RPE: variants seen among roughly 807,000 people sequenced by gnomAD.
The protein encoded by RPE is ribulose-phosphate 3-epimerase.
Under a neutral mutation model 24.6 loss-of-function variants are expected in RPE, and 16 were observed. The observed-to-expected ratio is 0.65, with a 90% CI of 0.44 to 0.99. The LOEUF (loss-of-function observed/expected upper bound fraction) is 0.99, where lower values mean the gene tolerates loss of function less well. RPE is among the 50% of genes least tolerant of loss of function. The pLI is 0.00. For synonymous variants in RPE, 93 were observed against 98.4 expected, an observed-to-expected ratio of 0.94 and a Z score of 0.33; for missense variants, 240 against 294.5, an observed-to-expected ratio of 0.81 and a Z score of 1.35.
chr2:210,017,897 A>G (rs2093800377), intron 5 of RPE: 4 of 545,582 alleles, frequency 7.3e-6, no homozygotes, highest in Non-Finnish European at 1.3e-5. Flanking sequence ...GGTACCTGCC[A>G]CCATGCTTGG....
At chr2:210,003,021 T>C (rs1461992768) in intron 1 of RPE, among the ~76,000 whole-genome samples, 1 of 152,156 alleles carries the variant, frequency 6.6e-6, no homozygotes, top group Non-Finnish European at 1.5e-5. Flanking sequence ...CCACGTAACG[T>C]GTGGTCTTCC....
chr2:210,016,347 A>T (rs1186420396), intron 3 of RPE, 160 bp from the exon 4 acceptor site: 1 of 1,567,234 alleles, frequency 6.4e-7, no homozygotes, highest in African/African-American at 1.4e-5. Context: ...ATTCCACTAA[A>T]GTTTTCTGAA....
chr2:210,014,325 G>A (rs1305163801), intron 2 of RPE, among the ~76,000 whole-genome samples: 3 of 152,114 alleles, frequency 2.0e-5, no homozygotes, highest in African/African-American at 4.8e-5. Flanking sequence ...TCCTGACCTC[G>A]TGATCCACCC....
At position 210,017,679 on chromosome 2, in the gene RPE, G is replaced by C. The variant is rs571626807; in HGVS notation, c.564+120G>C. 6.7e-4 allele frequency: 447 copies of C among 670,026 alleles called. 8 individuals are homozygous for C. The East Asian group carries it at 0.02, about 30-fold the overall frequency. The allele number at this position is 670,026 out of a possible 1,614,324, so 41.5% of individuals were successfully genotyped here. A position where few individuals can be genotyped will look rare whatever the true frequency, so the allele number is the denominator to read the frequency against. On this transcript the variant is annotated intron_variant, in intron 5 of 5. Coordinates refer to ENST00000359429, the MANE Select transcript of RPE (RefSeq NM_199229.3). Reference sequence around the variant, plus strand: ...TAAGTTGACTTTCTTTCTTGGAAAAGTATTTTTTGTTCACATGTACAACTA... The same window carrying C: ...TAAGTTGACTTTCTTTCTTGGAAAACTATTTTTTGTTCACATGTACAACTA...
chr2:210,005,641 A>G (rs1333816993), intron 1 of RPE, among the ~76,000 whole-genome samples: 3 of 152,042 alleles, frequency 2.0e-5, no homozygotes, highest in Admixed American at 2.0e-4. Flanking sequence ...GGAAAAAAAA[A>G]AACAGTTCAA....
intron 2 of RPE, among the ~76,000 whole-genome samples, chr2:210,013,961 C>T (rs1460718128): frequency 6.6e-6 from 1 of 152,186 alleles, no homozygotes; most frequent in East Asian, 1.9e-4. Context: ...ATTTGCTGAA[C>T]CATTGACTCC....
intron 1 of RPE, among the ~76,000 whole-genome samples, chr2:210,009,154 A>G (rs2093668741): frequency 6.6e-6 from 1 of 152,196 alleles, no homozygotes; most frequent in Admixed American, 6.5e-5. Context: ...CATGTAGTAA[A>G]CCCTCGGTGA....
At chr2:210,016,900 G>A (rs1046583310) in intron 4 of RPE, among the ~76,000 whole-genome samples, 2 of 152,194 alleles carry the variant, frequency 1.3e-5, no homozygotes, top group African/African-American at 4.8e-5. Flanking sequence ...CTGGAATGCA[G>A]TAATTCAATT....
intron 5 of RPE, chr2:210,018,507 A>G: frequency 1.0e-6 from 1 of 984,798 alleles, no homozygotes; most frequent in Non-Finnish European, 1.2e-6. Flanking sequence ...TTTCTTCCAC[A>G]GTGTGATGTA....
At position 210,016,066 on chromosome 2, in the gene RPE, A is replaced by C; in HGVS notation, c.296A>C (p.Glu99Ala). ...TACACCTTTCATCTCGAGGCTACTG[A>C]GAACCCAGGGGCTTTGATTAAAGAC... ...NQYTFHLEAT[E>A]NPGALIKDIR... Residue 99 changes from glutamate to alanine, a missense_variant, in exon 3 of 6, where the codon GAG (glutamate) becomes GCG (alanine). Transcript: ENST00000359429. 1.2e-6 allele frequency: 2 copies of C among 1,614,244 alleles called. No individual in the cohort carries two copies. The highest frequency in any genetic ancestry group is 1.7e-6 in the Non-Finnish European group (2 of 1,180,054).
intron 1 of RPE, among the ~76,000 whole-genome samples, chr2:210,006,811 A>G (rs1178073686): frequency 6.6e-6 from 1 of 152,214 alleles, no homozygotes; most frequent in East Asian, 1.9e-4. Flanking sequence ...CCTGACAATC[A>G]TTGCTCAGGC....
intron 2 of RPE, among the ~76,000 whole-genome samples, chr2:210,012,425 T>C (rs946318818): frequency 2.0e-5 from 3 of 152,248 alleles, no homozygotes; most frequent in African/African-American, 7.2e-5. Context: ...ATAAATATCC[T>C]TGATGAAGCA....
chr2:210,018,155 CT>C lies in RPE; in HGVS notation c.564+599del, dbSNP rs779563174. On this transcript the variant is annotated intron_variant, in intron 5 of 5. Coordinates refer to ENST00000359429, the MANE Select transcript of RPE (RefSeq NM_199229.3). ...TAAAAGAATATGTTGAATTTCAGCC[CT>C]TTGGAAGATCATTAAGTTTCACGGC... The C allele has an allele frequency of 2.0e-5, 30 of 1,532,838 alleles. No individual in the cohort carries two copies. In the South Asian group the frequency reaches 3.1e-4, roughly 16 times the overall value. 95.0% of individuals were successfully genotyped at this position (1,532,838 alleles called of 1,614,324 possible).
At chr2:210,013,312 CT>C (rs376550426) in intron 2 of RPE, among the ~76,000 whole-genome samples, 328 of 137,018 alleles carry the variant, frequency 2.4e-3, no homozygotes, top group Admixed American at 3.0e-3. Context: ...TAGAGTTATC[CT>C]TTTTTTTTTT....
chr2:210,015,858 T>G, intron 2 of RPE, 115 bp from the exon 3 acceptor site: 1 of 980,544 alleles, frequency 1.0e-6, no homozygotes, highest in Non-Finnish European at 1.5e-6. Context: ...AATAATGATT[T>G]GTGTGATGGC....
At chr2:210,018,303 G>A (rs73005330) in intron 5 of RPE, 97,426 of 1,453,692 alleles carry the variant, frequency 0.067, 3,798 homozygotes, top group Middle Eastern at 0.16. Flanking sequence ...TTATTTAGTT[G>A]TTCCTTGTAA....
intron 1 of RPE, among the ~76,000 whole-genome samples, chr2:210,004,545 G>A (rs1162329701): frequency 6.6e-6 from 1 of 152,198 alleles, no homozygotes; most frequent in Non-Finnish European, 1.5e-5. Context: ...TAGGCTTACA[G>A]GGAATGACTA....
chr2:210,017,894 G>T (rs1443174371), intron 5 of RPE: 2 of 547,194 alleles, frequency 3.7e-6, no homozygotes, highest in Non-Finnish European at 6.5e-6. Context: ...ACAGGTACCT[G>T]CCACCATGCT....
intron 2 of RPE, among the ~76,000 whole-genome samples, chr2:210,011,135 CATTT>C (rs2093693982): frequency 6.6e-6 from 1 of 152,088 alleles, no homozygotes; most frequent in African/African-American, 2.4e-5. Context: ...ATTATTACCT[CATTT>C]ATGTGGCATG....
Sources: gnomAD v4.1 joint callset for allele counts (sites outside exome capture counted in the v4.1 genomes callset) on GRCh38, gnomAD v4.1.1 for gene constraint, MANE v1.5 for transcripts, NCBI Gene and HGNC (gene_info 2026-07-23, HGNC 2026-07-21) for gene names.